Variants in MYO3A observed in about 807,000 individuals in gnomAD.
MYO3A encodes the protein myosin IIIA.
MYO3A carries 180 observed loss-of-function variants against 192.7 expected under a neutral mutation model. The observed-to-expected ratio is 0.93, with a 90% CI of 0.83 to 1.06. The LOEUF (loss-of-function observed/expected upper bound fraction) is 1.06, where lower values mean the gene tolerates loss of function less well. Among genes scored for constraint, MYO3A ranks in the 50% least tolerant of loss-of-function variants. The pLI is 0.00. For missense variants in MYO3A, 1,896 were observed against 1,905.0 expected (o/e 1.00, Z 0.09); for synonymous variants, 628 against 645.3 (o/e 0.97, Z 0.41).
rs17666079 is a variant in MYO3A, at chr10:26,021,750, A to C, written c.731+102A>C. ...TCATGGAGACGTTCAGATATATTCC[A>C]ACAAGTTGGGAGCAGAAGATCCTGG... is the stretch of plus-strand genomic sequence containing the variant. On this transcript the variant is annotated intron_variant, in intron 8 of 34. Coordinates refer to ENST00000642920, the MANE Select transcript of MYO3A (RefSeq NM_017433.5). The C allele has an allele frequency of 0.44, 643,471 of 1,475,130 alleles. 144,712 individuals are homozygous for C. The highest frequency in any genetic ancestry group is 0.5 in the Middle Eastern group (2,656 of 5,336). 91.4% of individuals were successfully genotyped at this position (1,475,130 alleles called of 1,614,324 possible). A position where few individuals can be genotyped will look rare whatever the true frequency, so the allele number is the denominator to read the frequency against.
intron 4 of MYO3A, among the ~76,000 whole-genome samples, chr10:25,989,481 T>C (rs1839875580): frequency 6.6e-6 from 1 of 152,116 alleles, no homozygotes; most frequent in African/African-American, 2.4e-5. Context: ...AGGCTGCACA[T>C]ACTCCTGTAT....
chr10:26,105,704 T>C (rs181033435), intron 17 of MYO3A, among the ~76,000 whole-genome samples: 77 of 152,236 alleles, frequency 5.1e-4, no homozygotes, highest in African/African-American at 1.8e-3. Flanking sequence ...TAAATTTTCG[T>C]TTATTCAAAC....
chr10:26,000,293 A>G (rs1245798547), intron 6 of MYO3A, among the ~76,000 whole-genome samples: 3 of 152,174 alleles, frequency 2.0e-5, no homozygotes, highest in Admixed American at 2.0e-4. Context: ...CAGAGCTCTT[A>G]CACTTGTAAC....
intron 10 of MYO3A, among the ~76,000 whole-genome samples, chr10:26,060,899 T>A (rs559076729): frequency 2.6e-5 from 4 of 152,056 alleles, no homozygotes; most frequent in Non-Finnish European, 4.4e-5. Context: ...GTAATGAAGA[T>A]TCAAGACAAC....
intron 27 of MYO3A, among the ~76,000 whole-genome samples, chr10:26,168,232 A>G (rs1478863681): frequency 6.6e-6 from 1 of 152,210 alleles, no homozygotes. Flanking sequence ...TATCCCCAGC[A>G]GATACGTACC....
intron 15 of MYO3A, among the ~76,000 whole-genome samples, chr10:26,093,992 A>G (rs901277512): frequency 6.6e-6 from 1 of 152,200 alleles, no homozygotes; most frequent in Non-Finnish European, 1.5e-5. Context: ...AACCAATAGC[A>G]TTGTTACTTT....
intron 17 of MYO3A, among the ~76,000 whole-genome samples, chr10:26,105,813 A>G (rs1837765016): frequency 1.3e-5 from 2 of 152,040 alleles, no homozygotes; most frequent in Admixed American, 6.6e-5. Flanking sequence ...GATTTTCTTG[A>G]AAGTTTAAAA....
chr10:26,081,033 C>A (rs1440832291), intron 14 of MYO3A, among the ~76,000 whole-genome samples: 1 of 151,722 alleles, frequency 6.6e-6, no homozygotes, highest in Non-Finnish European at 1.5e-5. Flanking sequence ...TGGTTGGCCT[C>A]CTGCCAGGAG....
At position 25,997,261 on chromosome 10, in the gene MYO3A, A is replaced by G. The variant is rs1217395069; in HGVS notation, c.508+3A>G. On this transcript the variant is annotated splice_donor_region_variant and intron_variant, in intron 6 of 34. Coordinates refer to ENST00000642920, the MANE Select transcript of MYO3A (RefSeq NM_017433.5). Reference sequence around the variant, plus strand: ...TGGAGTGAAACTAGTAGATTTTGGTAAGTTTTGTTTAAAATGCATGAGTTT... The same window carrying G: ...TGGAGTGAAACTAGTAGATTTTGGTGAGTTTTGTTTAAAATGCATGAGTTT... 4.4e-6 allele frequency: 7 copies of G among 1,601,584 alleles called. No homozygotes were observed. Among genetic ancestry groups the G allele is most frequent in the Non-Finnish European group, 6.0e-6 (7 of 1,168,946 alleles).
At chr10:26,090,292 C>T (rs1836619653) in intron 15 of MYO3A, among the ~76,000 whole-genome samples, 1 of 152,176 alleles carries the variant, frequency 6.6e-6, no homozygotes. Context: ...ATGAACAGAA[C>T]ACTCTGGAGT....
At chr10:26,059,588 G>A (rs1298436172) in intron 10 of MYO3A, among the ~76,000 whole-genome samples, 1 of 152,196 alleles carries the variant, frequency 6.6e-6, no homozygotes, top group African/African-American at 2.4e-5. Context: ...TGCTAAATCT[G>A]CTAAGAACTG....
intron 32 of MYO3A, among the ~76,000 whole-genome samples, chr10:26,194,330 G>A (rs1357210166): frequency 1.3e-5 from 2 of 152,030 alleles, no homozygotes; most frequent in Non-Finnish European, 2.9e-5. Flanking sequence ...CTTCTTCGTG[G>A]GACCCGTGAC....
intron 11 of MYO3A, 87 bp downstream of exon 11, chr10:26,067,161 A>C: frequency 1.2e-6 from 1 of 858,174 alleles, no homozygotes; most frequent in East Asian, 2.5e-5. Context: ...AGGGGAAGGA[A>C]TATATAGATT....
In MYO3A at chr10:26,145,429, T is replaced by A. The variant is rs766341617; in HGVS notation, c.2417-17T>A. 46 of 1,499,286 alleles carry A rather than the reference T, an allele frequency of 3.1e-5. No homozygotes were observed. The highest frequency in any genetic ancestry group is 4.2e-5 in the Non-Finnish European group (45 of 1,075,778). The allele number at this position is 1,499,286 out of a possible 1,614,324, so 92.9% of individuals were successfully genotyped here. On this transcript the variant is annotated splice_polypyrimidine_tract_variant and intron_variant, in intron 21 of 34. Transcript: ENST00000642920. ...TCTCATACATGCTTGATATTTGAGTTCAGTATTTTTCTACAGAAAAATTTG... is the reference window on the plus strand; with the variant it reads ...TCTCATACATGCTTGATATTTGAGTACAGTATTTTTCTACAGAAAAATTTG...
In MYO3A at chr10:26,027,435, C is replaced by T. The variant is rs562198521; in HGVS notation, c.953+903C>T. On this transcript the variant is annotated intron_variant, in intron 10 of 34. Transcript: ENST00000642920. The stretch of plus-strand genomic sequence containing the variant: ...TCTCTGATCACTGTAGCCTCAACCT[C>T]CTGGGTTCAAGTGATCTTCCTTCTT... 8.5e-5 allele frequency among the ~76,000 whole-genome samples: 13 copies of T among 152,204 alleles called. No individual in the cohort carries two copies. The East Asian group carries it at 2.5e-3, about 29-fold the overall frequency.
intron 6 of MYO3A, among the ~76,000 whole-genome samples, chr10:26,000,031 A>G (rs1210179686): frequency 6.6e-6 from 1 of 151,852 alleles, no homozygotes; most frequent in Non-Finnish European, 1.5e-5. Context: ...TTTCCTTCCA[A>G]TCCTTTCTCC....
Position 25,954,860 on chromosome 10 carries a change from CT to C in MYO3A, c.169-9del, listed in dbSNP as rs1564401397. 1 of 1,610,004 alleles carries C rather than the reference CT, an allele frequency of 6.2e-7. No homozygotes were observed. The highest frequency in any genetic ancestry group is 1.7e-5 in the Admixed American group (1 of 59,866). Reference sequence around the variant, plus strand: ...TTTTCTCACAGTTCTATTCTTATGACTTTTTGAAACTAGGATATTGACGAAG... The same window carrying C: ...TTTTCTCACAGTTCTATTCTTATGACTTTTGAAACTAGGATATTGACGAAG... On this transcript the variant is annotated splice_polypyrimidine_tract_variant and intron_variant, in intron 3 of 34. Coordinates refer to ENST00000642920, the MANE Select transcript of MYO3A (RefSeq NM_017433.5).
At position 26,088,325 on chromosome 10, in the gene MYO3A, A is replaced by T; in HGVS notation, c.1482A>T (p.Lys494Asn). The T allele has an allele frequency of 6.2e-7, 1 of 1,613,982 alleles. No individual in the cohort carries two copies. Residue 494 changes from lysine to asparagine, a missense_variant, in exon 15 of 35, where the codon AAA becomes AAT. Physicochemically the swap from Lys to Asn is moderately conservative, Grantham distance 94 (BLOSUM62 0). Coordinates refer to ENST00000642920, the MANE Select transcript of MYO3A (RefSeq NM_017433.5). ...SSRFGKYLEM[K>N]FTSSGAVVGA... ...GATTTGGAAAATACTTAGAAATGAA[A>T]TTCACCTCTTCTGGAGCGGTAGTGG...
intron 10 of MYO3A, among the ~76,000 whole-genome samples, chr10:26,041,338 TTTG>T (rs140583410): frequency 1.3e-5 from 2 of 151,546 alleles, no homozygotes; most frequent in Admixed American, 1.3e-4. Flanking sequence ...AGTTTGGGTT[TTTG>T]TTGTTGTTGC....
Sources: gnomAD v4.1 joint callset for allele counts (sites outside exome capture counted in the v4.1 genomes callset) on GRCh38, gnomAD v4.1.1 for gene constraint, MANE v1.5 for transcripts, NCBI Gene and HGNC (gene_info 2026-07-23, HGNC 2026-07-21) for gene names.